Variants in PCDH15 observed in about 807,000 individuals in gnomAD.
PCDH15 encodes the protein protocadherin-15.
In PCDH15, 129 loss-of-function variants were observed where a neutral mutation model predicts 178.5. The ratio of observed to expected loss-of-function variants is 0.72; its 90% confidence interval spans 0.63 to 0.84. The LOEUF is 0.84. PCDH15 is among the 40% of genes least tolerant of loss of function. PCDH15 has a pLI of 0.00. For synonymous variants in PCDH15, 800 were observed against 732.0 expected (o/e 1.09, Z -1.50); for missense variants, 2,230 against 2,099.9 (o/e 1.06, Z -1.21).
In PCDH15 at chr10:53,805,191, CCTT is replaced by C. The variant is rs1423818105; in HGVS notation, c.*1385_*1387del. 6.6e-6 allele frequency: 1 copy of C among 151,922 alleles called. No individual in the cohort carries two copies. The allele number at this position is 151,922 out of a possible 1,614,324, so 9.4% of individuals were successfully genotyped here. On this transcript the variant is annotated 3_prime_UTR_variant, in exon 38 of 38. Transcript: ENST00000644397. The stretch of plus-strand genomic sequence containing the variant: ...AATAAATAATAGTGCATTATTCAGT[CCTT>C]CAACCATATATTAAGCATGCATGAG...
At chr10:54,873,492 T>TA (rs541940368) in intron 3 of PCDH15, among the ~76,000 whole-genome samples, 25 of 148,620 alleles carry the variant, frequency 1.7e-4, no homozygotes, top group African/African-American at 4.9e-4. Context: ...ATATAATATA[T>TA]ATACGTGTAT....
At chr10:55,385,910 C>T (rs1038584272) in intron 2 of PCDH15, among the ~76,000 whole-genome samples, 1 of 151,132 alleles carries the variant, frequency 6.6e-6, no homozygotes, top group Non-Finnish European at 1.5e-5. Flanking sequence ...CATATATCTA[C>T]AAACACATAT....
chr10:54,364,184 C>T (rs1431415616), intron 5 of PCDH15, among the ~76,000 whole-genome samples: 1 of 146,670 alleles, frequency 6.8e-6, no homozygotes, highest in East Asian at 2.0e-4. Context: ...TGCACTCCAG[C>T]CTGGGCAAAA....
intron 5 of PCDH15, among the ~76,000 whole-genome samples, chr10:54,349,662 ACT>A (rs34255926): frequency 0.054 from 8,192 of 152,140 alleles, 251 homozygotes; most frequent in Admixed American, 0.099. Flanking sequence ...TTTAAAATAA[ACT>A]CTACATTGTT....
At chr10:55,585,122 G>A (rs1022690518) in intron 2 of PCDH15, among the ~76,000 whole-genome samples, 2 of 151,190 alleles carry the variant, frequency 1.3e-5, no homozygotes, top group Non-Finnish European at 2.9e-5. Context: ...CTTCCTTCCT[G>A]TAAAGAAGAA....
intron 3 of PCDH15, among the ~76,000 whole-genome samples, chr10:54,890,963 C>G (rs1399528028): frequency 1.3e-5 from 2 of 152,018 alleles, no homozygotes; most frequent in Admixed American, 1.3e-4. Flanking sequence ...GATATTGCAT[C>G]ACACTCAAAA....
intron 21 of PCDH15, among the ~76,000 whole-genome samples, chr10:53,984,906 T>G (rs2090990666): frequency 1.3e-5 from 2 of 152,326 alleles, no homozygotes; most frequent in South Asian, 4.1e-4. Flanking sequence ...TGTGACTTGC[T>G]TTGGTCAACA....
At chr10:54,296,374 C>G (rs916904980) in intron 8 of PCDH15, among the ~76,000 whole-genome samples, 1 of 151,862 alleles carries the variant, frequency 6.6e-6, no homozygotes, top group Non-Finnish European at 1.5e-5. Flanking sequence ...TTGGTTGACC[C>G]TGAGGCTGAG....
At chr10:53,936,944 G>A (rs1174919468) in intron 25 of PCDH15, among the ~76,000 whole-genome samples, 3 of 152,112 alleles carry the variant, frequency 2.0e-5, no homozygotes, top group African/African-American at 7.2e-5. Flanking sequence ...ATTAATTAAT[G>A]AGATTGAATT....
chr10:55,252,111 A>G (rs16907175), intron 1 of PCDH15, among the ~76,000 whole-genome samples: 16,020 of 152,200 alleles, frequency 0.11, 890 homozygotes, highest in African/African-American at 0.15. Context: ...AATTATTCAG[A>G]TTTATGTTTG....
chr10:54,204,557 C>T (rs1418939315), intron 10 of PCDH15, among the ~76,000 whole-genome samples: 1 of 151,974 alleles, frequency 6.6e-6, no homozygotes, highest in African/African-American at 2.4e-5. Flanking sequence ...AAGATATACA[C>T]TTTCCTGTAT....
intron 1 of PCDH15, among the ~76,000 whole-genome samples, chr10:54,670,788 A>G (rs1258431078): frequency 6.6e-6 from 1 of 152,124 alleles, no homozygotes; most frequent in Non-Finnish European, 1.5e-5. Flanking sequence ...TATTTAGTGC[A>G]TATCAGACAC....
At chr10:55,064,454 T>A (rs1841511713) in intron 2 of PCDH15, among the ~76,000 whole-genome samples, 1 of 152,116 alleles carries the variant, frequency 6.6e-6, no homozygotes, top group Non-Finnish European at 1.5e-5. Flanking sequence ...AAAGCACACA[T>A]GTGTGCACAC....
intron 2 of PCDH15, among the ~76,000 whole-genome samples, chr10:55,541,115 T>G (rs571111463): frequency 6.0e-4 from 92 of 152,226 alleles, no homozygotes; most frequent in Non-Finnish European, 9.9e-4. Context: ...CAGGCAACTT[T>G]GCAAATAGAG....
At chr10:55,233,260 A>C (rs1387908260) in intron 1 of PCDH15, among the ~76,000 whole-genome samples, 1 of 152,072 alleles carries the variant, frequency 6.6e-6, no homozygotes, top group African/African-American at 2.4e-5. Context: ...TTATATACAA[A>C]AGCTTTTGCT....
intron 2 of PCDH15, among the ~76,000 whole-genome samples, chr10:55,482,237 T>C (rs1383220971): frequency 6.6e-6 from 1 of 151,834 alleles, no homozygotes; most frequent in Non-Finnish European, 1.5e-5. Flanking sequence ...GAGAGATGGG[T>C]CTCTTGAAGA....
At chr10:54,187,564 TA>T (rs1021572422) in intron 11 of PCDH15, among the ~76,000 whole-genome samples, 4 of 151,870 alleles carry the variant, frequency 2.6e-5, no homozygotes, top group Non-Finnish European at 5.9e-5. Flanking sequence ...ACAGAAACAT[TA>T]AAGATCTTTT....
intron 7 of PCDH15, among the ~76,000 whole-genome samples, chr10:54,319,754 C>T (rs1185187974): frequency 1.3e-5 from 2 of 150,996 alleles, no homozygotes; most frequent in Non-Finnish European, 2.9e-5. Context: ...TCCTTTGTGA[C>T]AGTTCCCAGA....
chr10:55,232,859 A>G (rs1841265199), intron 1 of PCDH15, among the ~76,000 whole-genome samples: 1 of 152,104 alleles, frequency 6.6e-6, no homozygotes, highest in Non-Finnish European at 1.5e-5. Context: ...TGTCCCAGGT[A>G]AGCCTTCAGA....
Sources: allele counts gnomAD v4.1 joint callset (sites outside exome capture counted in the v4.1 genomes callset), GRCh38; gene constraint gnomAD v4.1.1; transcripts MANE v1.5; gene names NCBI Gene and HGNC (gene_info 2026-07-23, HGNC 2026-07-21).